The following ADHFE1 variants were observed in gnomAD, a reference collection of about 807,000 sequenced individuals.
ADHFE1 encodes the protein hydroxyacid-oxoacid transhydrogenase, mitochondrial.
ADHFE1 carries 37 observed loss-of-function variants against 54.8 expected under a neutral mutation model. That is an observed-to-expected ratio of 0.68 (90% CI 0.52 to 0.89). The LOEUF (loss-of-function observed/expected upper bound fraction) is 0.89. Ranked by LOEUF, ADHFE1 falls within the 40% of genes least tolerant of loss-of-function variation. The probability of loss-of-function intolerance (pLI) is 0.00; values close to 1 mark genes in which losing one functional copy is unlikely to be tolerated. For missense variants in ADHFE1, 601 were observed against 591.2 expected (o/e 1.02, Z -0.17); for synonymous variants, 203 against 229.3 (o/e 0.89, Z 1.04).
Position 66,468,292 on chromosome 8 carries a change from C to A in ADHFE1, c.1344C>A (p.Pro448=). Residue 448 remains proline (P), a synonymous_variant, in exon 14 of 14, where the codon CCC becomes CCA. Transcript: ENST00000396623. The part of the protein sequence containing the change: ...LPQERVTKLA[P]CPQSEEDLAA... ...AGGAAAGGGTCACCAAGCTTGCACCCTGTCCCCAGTCAGAAGAGGATCTGG... is the reference window on the plus strand; with the variant it reads ...AGGAAAGGGTCACCAAGCTTGCACCATGTCCCCAGTCAGAAGAGGATCTGG... 1.2e-6 allele frequency: 2 copies of A among 1,613,204 alleles called. No individual in the cohort carries two copies. Among genetic ancestry groups the A allele is most frequent in the Non-Finnish European group, 1.7e-6 (2 of 1,179,568 alleles).
intron 13 of ADHFE1, 116 bp downstream of exon 13, chr8:66,460,581 G>T: frequency 7.7e-7 from 1 of 1,293,464 alleles, no homozygotes; most frequent in East Asian, 2.5e-5. Context: ...GGTGGTTCTC[G>T]GGTCTCCTCC....
chr8:66,468,392 G>A lies in ADHFE1; in HGVS notation c.*40G>A. On this transcript the variant is annotated 3_prime_UTR_variant, in exon 14 of 14. Coordinates refer to ENST00000396623, the MANE Select transcript of ADHFE1 (RefSeq NM_144650.3). ...GAAAGAATTACCGCTGGCCATTGTA[G>A]TGCTGAGAGCAAGAGCTGATCTAGC... 2 of 1,549,678 alleles carry A rather than the reference G, an allele frequency of 1.3e-6. No homozygotes were observed. The highest frequency in any genetic ancestry group is 2.3e-5 in the East Asian group (1 of 43,994).
chr8:66,434,434 AACAGCTGAGGG>A (rs1805359081), intron 1 of ADHFE1, among the ~76,000 whole-genome samples: 1 of 152,208 alleles, frequency 6.6e-6, no homozygotes, highest in Non-Finnish European at 1.5e-5. Flanking sequence ...CCTAGAAGGA[AACAGCTGAGGG>A]TGAATTCCTG....
intron 7 of ADHFE1, 134 bp downstream of exon 7, chr8:66,447,475 C>A: frequency 1.4e-6 from 1 of 701,168 alleles, no homozygotes; most frequent in Non-Finnish European, 2.3e-6. Flanking sequence ...AGCAAGGTGA[C>A]GAAAGTCAGC....
chr8:66,445,265 A>T lies in ADHFE1; in HGVS notation c.401A>T (p.Tyr134Phe). The T allele has an allele frequency of 6.2e-7, 1 of 1,613,486 alleles. No homozygotes were observed. Residue 134 changes from tyrosine (Y) to phenylalanine (F), a missense_variant, in exon 6 of 14, where the codon TAT (tyrosine) becomes TTT (phenylalanine). Coordinates refer to ENST00000396623, the MANE Select transcript of ADHFE1 (RefSeq NM_144650.3). ...GCCCAAAAGGGAGCTTTTGATGCCT[A>T]TGTTGCTGTCGGTGGTGGCTCTACC... ...EFAQKGAFDA[Y>F]VAVGGGSTMD...
intron 6 of ADHFE1, among the ~76,000 whole-genome samples, chr8:66,446,965 T>C (rs1411400511): frequency 6.6e-6 from 1 of 152,198 alleles, no homozygotes; most frequent in African/African-American, 2.4e-5. Flanking sequence ...TGCATGCCAA[T>C]ATAGATACAG....
intron 9 of ADHFE1, chr8:66,453,677 C>G (rs755834885): frequency 7.3e-7 from 1 of 1,366,580 alleles, no homozygotes; most frequent in Admixed American, 1.9e-5. Flanking sequence ...CAGGTAGCCC[C>G]GGGCATCTGA....
intron 13 of ADHFE1, among the ~76,000 whole-genome samples, chr8:66,465,154 T>C (rs1807102018): frequency 6.6e-6 from 1 of 152,236 alleles, no homozygotes; most frequent in Non-Finnish European, 1.5e-5. Context: ...CTTTTGACTA[T>C]TATGAATAAT....
intron 13 of ADHFE1, among the ~76,000 whole-genome samples, chr8:66,465,688 C>T (rs1419242079): frequency 6.6e-6 from 1 of 152,068 alleles, no homozygotes; most frequent in Admixed American, 6.5e-5. Context: ...CAACCTCCGC[C>T]TCCTGGGTTC....
At chr8:66,432,983 G>GT in intron 1 of ADHFE1, 1 of 890,980 alleles carries the variant, frequency 1.1e-6, no homozygotes, top group Non-Finnish European at 1.3e-6. Flanking sequence ...CTCTGGAGCA[G>GT]TTTGAGGTCT....
rs1183855777 is a variant in ADHFE1, at chr8:66,444,610, G to A, written c.215G>A (p.Gly72Asp). 6.2e-7 allele frequency: 1 copy of A among 1,614,026 alleles called. No individual in the cohort carries two copies. The highest frequency in any genetic ancestry group is 2.2e-5 in the East Asian group (1 of 44,896). Residue 72 changes from glycine to aspartate, a missense_variant, in exon 5 of 14, where the codon GGT becomes GAT. By Grantham distance (94) the Gly-to-Asp change is moderately conservative. Transcript: ENST00000396623. ...TTCTTGTAGGACCTAAAAAACATGG[G>A]TGCTAAAAATGTGTGCTTGATGACA... ...KEVGMDLKNM[G>D]AKNVCLMTDK... is the part of the protein sequence containing the mutation.
At chr8:66,459,507 C>T (rs1010692260) in intron 12 of ADHFE1, 4 of 149,460 alleles carry the variant, frequency 2.7e-5, no homozygotes, top group Admixed American at 1.3e-4. Context: ...AGTGATTCTC[C>T]TGCCTCAGCC....
Position 66,439,596 on chromosome 8 carries a change from CG to C in ADHFE1, c.60-564del. 1 of 985,858 alleles carries C rather than the reference CG, an allele frequency of 1.0e-6. No homozygotes were observed. Among genetic ancestry groups the C allele is most frequent in the Non-Finnish European group, 1.2e-6 (1 of 830,370 alleles). The allele number at this position is 985,858 out of a possible 1,614,324, so 61.1% of individuals were successfully genotyped here. A position where few individuals can be genotyped will look rare whatever the true frequency, so the allele number is the denominator to read the frequency against. ...GGCGCGGCGGGGACGGAGGAGAGCT[CG>C]GAGCCCGGGGCTGCAACTGGGCAGA... On this transcript the variant is annotated intron_variant, in intron 1 of 13. Transcript: ENST00000396623. This position sits in a 1 kb window ranked among gnomAD's most constrained non-coding sequence, Gnocchi z 4.4.
chr8:66,442,613 A>G (rs546898794), intron 2 of ADHFE1, among the ~76,000 whole-genome samples, 185 bp from the exon 3 acceptor site: 12 of 152,300 alleles, frequency 7.9e-5, no homozygotes, highest in South Asian at 2.1e-4. Flanking sequence ...GCTTGGCCGC[A>G]TTACATTCTA....
At chr8:66,440,983 T>A (rs1805717291) in intron 2 of ADHFE1, among the ~76,000 whole-genome samples, 1 of 152,142 alleles carries the variant, frequency 6.6e-6, no homozygotes, top group Non-Finnish European at 1.5e-5. Flanking sequence ...GACTCACCCT[T>A]CAGGACAAGC....
chr8:66,453,775 C>A, intron 9 of ADHFE1: 1 of 1,408,774 alleles, frequency 7.1e-7, no homozygotes, highest in Non-Finnish European at 9.5e-7. Context: ...TGGAGTGGCC[C>A]TCGCCATCCA....
chr8:66,456,740 C>G, intron 10 of ADHFE1, 77 bp from the exon 11 acceptor site: 1 of 1,100,504 alleles, frequency 9.1e-7, no homozygotes, highest in Non-Finnish European at 1.4e-6. Context: ...ACAGGCATCC[C>G]CATAAGAGTA....
At chr8:66,457,910 A>T (rs1806679259) in intron 12 of ADHFE1, among the ~76,000 whole-genome samples, 1 of 152,224 alleles carries the variant, frequency 6.6e-6, no homozygotes. Flanking sequence ...ATTCCTAATT[A>T]TAGAGAATCA....
At chr8:66,466,377 G>A (rs1461733961) in intron 13 of ADHFE1, among the ~76,000 whole-genome samples, 1 of 151,822 alleles carries the variant, frequency 6.6e-6, no homozygotes, top group Non-Finnish European at 1.5e-5. Flanking sequence ...TGGACTCCCT[G>A]TGCTTCTGGT....
Sources: gnomAD v4.1 joint callset for allele counts (sites outside exome capture counted in the v4.1 genomes callset) on GRCh38, gnomAD v4.1.1 for gene constraint, Gnocchi (gnomAD v3.1) non-coding constraint, MANE v1.5 for transcripts, NCBI Gene and HGNC (gene_info 2026-07-23, HGNC 2026-07-21) for gene names.